The following SLC24A4 variants were observed in gnomAD, a reference collection of about 807,000 sequenced individuals.
The protein encoded by SLC24A4 is solute carrier family 24 member 4, also known as sodium/potassium/calcium exchanger 4.
SLC24A4 carries 53 observed loss-of-function variants against 79.0 expected under a neutral mutation model. The observed-to-expected ratio is 0.67, with a 90% CI of 0.54 to 0.84. The LOEUF is 0.84. SLC24A4 is among the 40% of genes least tolerant of loss of function. SLC24A4 has a pLI of 0.00. For synonymous variants in SLC24A4, 323 were observed against 323.8 expected, an observed-to-expected ratio of 1.00 and a Z score of 0.03; for missense variants, 731 against 822.0, an observed-to-expected ratio of 0.89 and a Z score of 1.35.
chr14:92,493,474 A>G lies in SLC24A4; in HGVS notation c.1717-2A>G, dbSNP rs1895811007. 2 of 1,613,906 alleles carry G rather than the reference A, an allele frequency of 1.2e-6. No homozygotes were observed. Among genetic ancestry groups the G allele is most frequent in the African/African-American group, 1.3e-5 (1 of 74,924 alleles). Reference sequence around the variant, plus strand: ...CCCAGTTCCCACACTCTGTCCTCCCAGGTCCTCGGCATCCACCTAAACAAG... The same window carrying G: ...CCCAGTTCCCACACTCTGTCCTCCCGGGTCCTCGGCATCCACCTAAACAAG... On this transcript the variant is annotated splice_acceptor_variant, in intron 16 of 16. Transcript: ENST00000532405. LOFTEE classifies it high-confidence loss of function.
At chr14:92,432,624 A>G (rs538050436) in intron 2 of SLC24A4, among the ~76,000 whole-genome samples, 8 of 152,316 alleles carry the variant, frequency 5.3e-5, no homozygotes, top group African/African-American at 1.7e-4. Flanking sequence ...CAGCAACTCT[A>G]TTAAAGAAGT....
intron 13 of SLC24A4, among the ~76,000 whole-genome samples, chr14:92,485,983 G>A (rs1335048070): frequency 2.0e-5 from 3 of 152,180 alleles, no homozygotes; most frequent in African/African-American, 4.8e-5. Flanking sequence ...AGAAGGCAGT[G>A]TCCACGTTAG....
Position 92,455,979 on chromosome 14 carries a change from G to A in SLC24A4, c.1051-425G>A, listed in dbSNP as rs571744106. Reference sequence around the variant, plus strand: ...GCCTCCCAAAGTGCTGGGATTACAAGCATGAGCCACCGTGCCCGGCAGTGA... The same window carrying A: ...GCCTCCCAAAGTGCTGGGATTACAAACATGAGCCACCGTGCCCGGCAGTGA... On this transcript the variant is annotated intron_variant, in intron 11 of 16. Coordinates refer to ENST00000532405, the MANE Select transcript of SLC24A4 (RefSeq NM_153646.4). Among the ~76,000 whole-genome samples, 5 of 152,318 alleles carry A rather than the reference G, an allele frequency of 3.3e-5. 1 individual carries two copies. In the South Asian group the frequency reaches 1.0e-3, roughly 32 times the overall value.
chr14:92,458,237 G>A (rs901599214), intron 12 of SLC24A4, among the ~76,000 whole-genome samples: 1 of 152,186 alleles, frequency 6.6e-6, no homozygotes, highest in African/African-American at 2.4e-5. Flanking sequence ...CACCTCCCAG[G>A]CTTTCTTCAC....
At chr14:92,492,103 C>T in intron 15 of SLC24A4, 72 bp from the exon 16 acceptor site, 2 of 1,382,292 alleles carry the variant, frequency 1.4e-6, no homozygotes, top group Non-Finnish European at 2.1e-6. Flanking sequence ...TGGGCCCAGG[C>T]ATGCTGGGAT....
intron 2 of SLC24A4, among the ~76,000 whole-genome samples, chr14:92,387,333 C>T (rs1196575259): frequency 1.3e-5 from 2 of 152,036 alleles, no homozygotes; most frequent in African/African-American, 2.4e-5. Context: ...CCCACCACCA[C>T]GCCCGGCTAA....
In SLC24A4 at chr14:92,486,614, T is replaced by C. The variant is rs61977319; in HGVS notation, c.1423-52T>C. On this transcript the variant is annotated intron_variant, in intron 13 of 16. Transcript: ENST00000532405. ...GTCTCTAATACTAGGAATATTTCTT[T>C]AGTCCACACACTGTTGGTTGAGAGT... The C allele has an allele frequency of 7.9e-5, 90 of 1,133,460 alleles. No individual in the cohort carries two copies. In the Admixed American group the frequency reaches 9.7e-4, roughly 12 times the overall value. 70.2% of individuals were successfully genotyped at this position (1,133,460 alleles called of 1,614,324 possible). A position where few individuals can be genotyped will look rare whatever the true frequency, so the allele number is the denominator to read the frequency against.
At chr14:92,385,549 C>T (rs1889105994) in intron 2 of SLC24A4, among the ~76,000 whole-genome samples, 1 of 151,874 alleles carries the variant, frequency 6.6e-6, no homozygotes, top group South Asian at 2.1e-4. Context: ...AAAGATCTAA[C>T]ATGTCACCCA....
rs1223842207 is a variant in SLC24A4, at chr14:92,494,045, G to C, written c.*417G>C. 1.2e-5 allele frequency: 2 copies of C among 172,032 alleles called. No homozygotes were observed. The highest frequency in any genetic ancestry group is 2.4e-5 in the African/African-American group (1 of 41,934). The allele number at this position is 172,032 out of a possible 1,614,324, so 10.7% of individuals were successfully genotyped here. A position where few individuals can be genotyped will look rare whatever the true frequency, so the allele number is the denominator to read the frequency against. On this transcript the variant is annotated 3_prime_UTR_variant, in exon 17 of 17. Transcript: ENST00000532405. This position sits in a 1 kb window ranked among gnomAD's most constrained non-coding sequence, Gnocchi z 4.6. The stretch of plus-strand genomic sequence containing the variant: ...AGGGCAGGTGCAAAATAGGAATGTT[G>C]TTCTCAAGTGTCACCTCCAGCCCAG...
rs760026042 is a variant in SLC24A4 at position 92,482,791 on chromosome 14, C to T, written c.1367C>T (p.Thr456Ile). The change falls in exon 13 of 17, where the codon ACC becomes ATC. Residue 456 changes from threonine to isoleucine, a missense_variant. By Grantham distance (89) the Thr-to-Ile change is moderately conservative (BLOSUM62 -1). Coordinates refer to ENST00000532405, the MANE Select transcript of SLC24A4 (RefSeq NM_153646.4). ...KPRWEKFFMV[T>I]FITATLWIAV... The stretch of plus-strand genomic sequence containing the variant: ...CGCTGGGAGAAGTTCTTCATGGTCA[C>T]CTTCATCACCGCCACGCTGTGGATC... 2 of 1,614,104 alleles carry T rather than the reference C, an allele frequency of 1.2e-6. No individual in the cohort carries two copies. Among genetic ancestry groups the T allele is most frequent in the East Asian group, 2.2e-5 (1 of 44,876 alleles).
Position 92,456,324 on chromosome 14 carries a change from G to A in SLC24A4, c.1051-80G>A, listed in dbSNP as rs57990226. 5,237 of 1,449,258 alleles carry A rather than the reference G, an allele frequency of 3.6e-3. 147 individuals carry two copies. The African/African-American group carries it at 0.061, about 17-fold the overall frequency. The allele number at this position is 1,449,258 out of a possible 1,614,324, so 89.8% of individuals were successfully genotyped here. A position where few individuals can be genotyped will look rare whatever the true frequency, so the allele number is the denominator to read the frequency against. ...CTAGGCACCTGTAAGAGCAGGGTGC[G>A]TGTGAGGGACCCAGCGTATAGCAAT... is the stretch of plus-strand genomic sequence containing the variant. On this transcript the variant is annotated intron_variant, in intron 11 of 16. Transcript: ENST00000532405.
rs548189850 is a variant in SLC24A4 at position 92,421,720 on chromosome 14, G to T, written c.242-12192G>T. The stretch of plus-strand genomic sequence containing the variant: ...ACAAGGTTTCACCATGTTGCCCAGG[G>T]TGGTCTCGAACTCCTGACCTAGGTG... On this transcript the variant is annotated intron_variant, in intron 2 of 16. Transcript: ENST00000532405. Among the ~76,000 whole-genome samples the T allele has an allele frequency of 3.9e-5, 6 of 152,010 alleles. 1 individual carries two copies. In the South Asian group the frequency reaches 1.2e-3, roughly 32 times the overall value.
At chr14:92,483,440 G>A (rs2139926391) in intron 13 of SLC24A4, among the ~76,000 whole-genome samples, 1 of 152,344 alleles carries the variant, frequency 6.6e-6, no homozygotes, top group South Asian at 2.1e-4. Context: ...GTGAGTGCCA[G>A]AGTTAGGATT....
chr14:92,433,783 G>A lies in SLC24A4; in HGVS notation c.242-129G>A, dbSNP rs1595273138. ...TCTGCCCCTGGACTGAGAAATGGCT[G>A]GCCTTCTCTCTGATCAGTCCAAAGC... On this transcript the variant is annotated intron_variant, in intron 2 of 16. Coordinates refer to ENST00000532405, the MANE Select transcript of SLC24A4 (RefSeq NM_153646.4). 5.4e-6 allele frequency: 4 copies of A among 745,976 alleles called. No individual in the cohort carries two copies. In the East Asian group the frequency reaches 7.5e-5, roughly 14 times the overall value. The allele number at this position is 745,976 out of a possible 1,614,324, so 46.2% of individuals were successfully genotyped here. A position where few individuals can be genotyped will look rare whatever the true frequency, so the allele number is the denominator to read the frequency against.
In SLC24A4 at chr14:92,454,046, G is replaced by C. The variant is rs935123833; in HGVS notation, c.1027G>C (p.Ala343Pro). ...KFGPRTRLRM[A>P]SRIIINERQR... ...TGGACCCAGGACCCGACTACGGATG[G>C]CCAGCAGGATCATCATTAATGAGGT... Residue 343 changes from alanine (A) to proline (P), a missense_variant, in exon 11 of 17, where the codon GCC becomes CCC. Physicochemically the swap from Ala to Pro is conservative, Grantham distance 27 (BLOSUM62 -1). Transcript: ENST00000532405. 6.2e-7 allele frequency: 1 copy of C among 1,613,050 alleles called. No individual in the cohort carries two copies. The highest frequency in any genetic ancestry group is 8.5e-7 in the Non-Finnish European group (1 of 1,179,506).
intron 7 of SLC24A4, among the ~76,000 whole-genome samples, chr14:92,444,821 C>T (rs1892697339): frequency 6.6e-6 from 1 of 152,036 alleles, no homozygotes; most frequent in Non-Finnish European, 1.5e-5. Flanking sequence ...CACTGCTGCA[C>T]TTCAGCCTGG....
In SLC24A4 at chr14:92,398,393, A is replaced by C. The variant is rs1889900477; in HGVS notation, c.242-35519A>C. ...GTGGGCGGAGCAAGCATCCACACAG[A>C]GTGTTGGAGAAGTGGGCATGGGAGA... On this transcript the variant is annotated intron_variant, in intron 2 of 16. Transcript: ENST00000532405. This position sits in a 1 kb window ranked among gnomAD's most constrained non-coding sequence, Gnocchi z 4.1. Among the ~76,000 whole-genome samples the C allele has an allele frequency of 6.6e-6, 1 of 152,118 alleles. No homozygotes were observed. Among genetic ancestry groups the C allele is most frequent in the Non-Finnish European group, 1.5e-5 (1 of 68,022 alleles).
intron 12 of SLC24A4, 87 bp downstream of exon 12, chr14:92,456,695 A>T: frequency 7.3e-7 from 1 of 1,369,148 alleles, no homozygotes; most frequent in South Asian, 1.2e-5. Context: ...GGAGGCATGG[A>T]CTTGTAAGGG....
chr14:92,483,580 C>T (rs1895184865), intron 13 of SLC24A4: 1 of 413,724 alleles, frequency 2.4e-6, no homozygotes, highest in Non-Finnish European at 4.5e-6. Context: ...TGGTGTAGCT[C>T]CTCATAAGCT....
Sources: allele counts gnomAD v4.1 joint callset (sites outside exome capture counted in the v4.1 genomes callset), GRCh38; gene constraint gnomAD v4.1.1; non-coding constraint Gnocchi (gnomAD v3.1); transcripts MANE v1.5; gene names NCBI Gene and HGNC (gene_info 2026-07-23, HGNC 2026-07-21).